KCNJ12: variants seen among roughly 807,000 people sequenced by gnomAD.
KCNJ12 encodes potassium inwardly rectifying channel subfamily J member 12, also known as ATP-sensitive inward rectifier potassium channel 12.
A neutral mutation model predicts 22.3 loss-of-function variants in KCNJ12; 2 were observed. The ratio of observed to expected loss-of-function variants is 0.09; its 90% confidence interval spans 0.04 to 0.28. The LOEUF is 0.28. Ranked by LOEUF, KCNJ12 falls within the 10% of genes least tolerant of loss-of-function variation. The pLI is 1.00. For synonymous variants in KCNJ12, 117 were observed against 261.4 expected (o/e 0.45, Z 5.33); for missense variants, 155 against 633.3 (o/e 0.24, Z 8.11).
chr17:21,397,382 G>A (rs146407778), intron 1 of KCNJ12, among the ~76,000 whole-genome samples: 25 of 152,328 alleles, frequency 1.6e-4, no homozygotes, highest in African/African-American at 4.8e-4. Flanking sequence ...CTGCCGTGTG[G>A]GGCTTCAGCG....
At chr17:21,397,129 C>T (rs1016184706) in intron 1 of KCNJ12, among the ~76,000 whole-genome samples, 4 of 152,230 alleles carry the variant, frequency 2.6e-5, no homozygotes, top group African/African-American at 9.6e-5. Context: ...TGGGCTTGTT[C>T]CCCAGCTCTG....
intron 1 of KCNJ12, among the ~76,000 whole-genome samples, chr17:21,386,782 A>G (rs1555558699): frequency 6.6e-6 from 1 of 152,244 alleles, no homozygotes; most frequent in African/African-American, 2.4e-5. Context: ...CTAGGATTAC[A>G]GGTGTGAATC....
At chr17:21,401,392 C>T (rs1392503744) in intron 1 of KCNJ12, among the ~76,000 whole-genome samples, 2 of 152,292 alleles carry the variant, frequency 1.3e-5, no homozygotes, top group Admixed American at 1.3e-4. Context: ...CCATCACCCC[C>T]AGGCTCGGCT....
chr17:21,383,334 C>T (rs374261660), intron 1 of KCNJ12, among the ~76,000 whole-genome samples: 26 of 152,302 alleles, frequency 1.7e-4, no homozygotes, highest in South Asian at 6.2e-4. Context: ...AACCCCGCCC[C>T]GACCCTCTGC....
At chr17:21,389,988 C>T (rs1200287494) in intron 1 of KCNJ12, among the ~76,000 whole-genome samples, 1 of 152,126 alleles carries the variant, frequency 6.6e-6, no homozygotes, top group Non-Finnish European at 1.5e-5. Flanking sequence ...GGTCCCAGAC[C>T]CTCCTCCTCC....
intron 1 of KCNJ12, among the ~76,000 whole-genome samples, chr17:21,396,619 T>C (rs1905375070): frequency 6.6e-6 from 1 of 152,114 alleles, no homozygotes; most frequent in African/African-American, 2.4e-5. Context: ...CAGCCCCGTG[T>C]TGATGGGGAG....
At chr17:21,409,911 C>T (rs2139261) in intron 2 of KCNJ12, among the ~76,000 whole-genome samples, 2 of 152,048 alleles carry the variant, frequency 1.3e-5, no homozygotes, top group Non-Finnish European at 2.9e-5. Context: ...GGGTTAGCTT[C>T]GTGGACAGAG....
chr17:21,413,802 C>T (rs1597582803), intron 2 of KCNJ12, among the ~76,000 whole-genome samples: 1 of 152,418 alleles, frequency 6.6e-6, no homozygotes, highest in South Asian at 2.1e-4. Flanking sequence ...CGGGGCCTGT[C>T]CTGGGGTGCC....
chr17:21,387,628 T>TC lies in KCNJ12; in HGVS notation c.-179+10716dup, dbSNP rs199607928. Among the ~76,000 whole-genome samples, 98 of 152,146 alleles carry TC rather than the reference T, an allele frequency of 6.4e-4. 1 individual carries two copies. In the East Asian group the frequency reaches 0.018, roughly 28 times the overall value. On this transcript the variant is annotated intron_variant, in intron 1 of 2. Transcript: ENST00000583088. ...GGAGCTATGAATGGTCCTTCCCCTG[T>TC]CGGAGGGTGTGGGAGATGACACCTT...
At chr17:21,395,202 G>A (rs1905311919) in intron 1 of KCNJ12, among the ~76,000 whole-genome samples, 1 of 151,642 alleles carries the variant, frequency 6.6e-6, no homozygotes, top group African/African-American at 2.4e-5. Flanking sequence ...GGCTGAGGAG[G>A]GAGGATCACC....
chr17:21,392,646 C>T lies in KCNJ12; in HGVS notation c.-179+15733C>T, dbSNP rs538296531. On this transcript the variant is annotated intron_variant, in intron 1 of 2. Coordinates refer to ENST00000583088, the MANE Select transcript of KCNJ12 (RefSeq NM_021012.5). ...TTCTGTAGTGGGGGGATTTCATGGA[C>T]CCCCATCCTCCTCGAGTGGGTTCAG... 3.1e-4 allele frequency among the ~76,000 whole-genome samples: 47 copies of T among 152,340 alleles called. 1 individual carries two copies. Among genetic ancestry groups the T allele is most frequent in the Middle Eastern group, 3.4e-3 (1 of 294 alleles).
chr17:21,416,945 A>T lies in KCNJ12; in HGVS notation c.*301A>T. 2.1e-6 allele frequency: 1 copy of T among 479,532 alleles called. No individual in the cohort carries two copies. Among genetic ancestry groups the T allele is most frequent in the Non-Finnish European group, 3.8e-6 (1 of 265,786 alleles). 29.7% of individuals were successfully genotyped at this position (479,532 alleles called of 1,614,324 possible). ...AAGATGGAGCTGCAGCCTGCGGGGAAGCAGCTCAGCTCGATGGTGGGCCCA... is the reference window on the plus strand; with the variant it reads ...AAGATGGAGCTGCAGCCTGCGGGGATGCAGCTCAGCTCGATGGTGGGCCCA... On this transcript the variant is annotated 3_prime_UTR_variant, in exon 3 of 3. Transcript: ENST00000583088.
At position 21,416,677 on chromosome 17, in the gene KCNJ12, C is replaced by T. The variant is rs5021700; in HGVS notation, c.*33C>T. 8.5e-4 allele frequency: 1,280 copies of T among 1,508,372 alleles called. 1 individual carries two copies. Among genetic ancestry groups the T allele is most frequent in the African/African-American group, 2.5e-3 (181 of 72,128 alleles). 93.4% of individuals were successfully genotyped at this position (1,508,372 alleles called of 1,614,324 possible). ...TTGGCCGACATGCAGCATCCACCCC[C>T]GGCTGGGGAGAGGCCCCGCGGTCGC... On this transcript the variant is annotated 3_prime_UTR_variant, in exon 3 of 3. Coordinates refer to ENST00000583088, the MANE Select transcript of KCNJ12 (RefSeq NM_021012.5).
intron 1 of KCNJ12, among the ~76,000 whole-genome samples, chr17:21,393,060 G>A (rs1191877141): frequency 4.6e-5 from 7 of 152,198 alleles, no homozygotes; most frequent in African/African-American, 1.7e-4. Context: ...TCCCAGGCCA[G>A]CGCTGGAATT....
chr17:21,381,637 C>T (rs1555557939), intron 1 of KCNJ12, among the ~76,000 whole-genome samples: 2 of 152,166 alleles, frequency 1.3e-5, no homozygotes, highest in Admixed American at 6.5e-5. Flanking sequence ...GCCCAGATGC[C>T]ACCCTCTCTC....
chr17:21,383,390 TG>T (rs1467284784), intron 1 of KCNJ12, among the ~76,000 whole-genome samples: 4 of 150,250 alleles, frequency 2.7e-5, no homozygotes, highest in Admixed American at 6.6e-5. Context: ...CATTCAGGGC[TG>T]GGGGGCGCCG....
chr17:21,397,520 C>T (rs1037523301), intron 1 of KCNJ12, among the ~76,000 whole-genome samples: 7 of 152,226 alleles, frequency 4.6e-5, no homozygotes, highest in African/African-American at 1.4e-4. Context: ...TCCTCCCGCC[C>T]GGCAGAGGCT....
At chr17:21,380,413 C>T (rs984271866) in intron 1 of KCNJ12, among the ~76,000 whole-genome samples, 2 of 152,154 alleles carry the variant, frequency 1.3e-5, no homozygotes, top group Admixed American at 1.3e-4. Context: ...AGACCCAGCC[C>T]CTGCCCTCAG....
At chr17:21,383,795 G>C (rs1445559768) in intron 1 of KCNJ12, among the ~76,000 whole-genome samples, 1 of 152,210 alleles carries the variant, frequency 6.6e-6, no homozygotes, top group Non-Finnish European at 1.5e-5. Flanking sequence ...CAGGTGGCTG[G>C]GGATGTGGCC....
Sources: allele counts gnomAD v4.1 joint callset (sites outside exome capture counted in the v4.1 genomes callset), GRCh38; gene constraint gnomAD v4.1.1; transcripts MANE v1.5; gene names NCBI Gene and HGNC (gene_info 2026-07-23, HGNC 2026-07-21).